ACOT12: variants seen among roughly 807,000 people sequenced by gnomAD.
ACOT12 encodes the protein acyl-CoA thioesterase 12, also known as acetyl-coenzyme A thioesterase.
In ACOT12, 51 loss-of-function variants were observed where a neutral mutation model predicts 67.7. The observed-to-expected ratio is 0.75, with a 90% CI of 0.60 to 0.95. The LOEUF is 0.95. Among genes scored for constraint, ACOT12 ranks in the 40% least tolerant of loss-of-function variants. The pLI, the probability that ACOT12 is intolerant of heterozygous loss-of-function variation, is 0.00. For missense variants in ACOT12, 734 were observed against 708.1 expected (o/e 1.04, Z -0.41); for synonymous variants, 251 against 244.6 (o/e 1.03, Z -0.24).
At chr5:81,312,464 T>G in the ACOT12 span, 1 of 1,153,234 alleles carries the variant, frequency 8.7e-7, no homozygotes, top group East Asian at 2.4e-5. Flanking sequence ...AATGAGTTCC[T>G]TTCCCAAACC....
At chr5:81,366,966 G>GA (rs1760099964) in intron 3 of ACOT12, among the ~76,000 whole-genome samples, 1 of 151,988 alleles carries the variant, frequency 6.6e-6, no homozygotes, top group Non-Finnish European at 1.5e-5. Context: ...CAAAAGACAG[G>GA]AAAAAAGTTT....
Position 81,381,204 on chromosome 5 carries a change from T to A in ACOT12, c.197+4553A>T, listed in dbSNP as rs572673461. 7.9e-5 allele frequency among the ~76,000 whole-genome samples: 12 copies of A among 152,198 alleles called. No homozygotes were observed. In the East Asian group the frequency reaches 2.3e-3, roughly 29 times the overall value. On this transcript the variant is annotated intron_variant, in intron 2 of 14. Coordinates refer to ENST00000307624, the MANE Select transcript of ACOT12 (RefSeq NM_130767.3). ...GCCTCAGCTTCCCGAATAGCTGGGA[T>A]TACAGGCGCGTGCCACCACACCCAG...
intron 2 of ACOT12, among the ~76,000 whole-genome samples, chr5:81,384,094 G>A (rs1010588356): frequency 6.7e-6 from 1 of 148,746 alleles, no homozygotes; most frequent in Non-Finnish European, 1.5e-5. Context: ...TCCATTCATG[G>A]TTAAGTGCCC....
At chr5:81,315,499 C>A in the ACOT12 span, among the ~76,000 whole-genome samples, 1 of 152,202 alleles carries the variant, frequency 6.6e-6, no homozygotes, top group Non-Finnish European at 1.5e-5. Context: ...AATTTTGATT[C>A]TTGTTCATTG....
rs377220909 is a variant in ACOT12 at position 81,330,972 on chromosome 5, G to A, written c.1392-32C>T. On this transcript the variant is annotated intron_variant, in intron 13 of 14. Transcript: ENST00000307624. ...GAAAACACTTTCTAAGCTCTTGTGA[G>A]AAATAAAGAATAGTTGTTAGAAAAT... 3.2e-6 allele frequency: 5 copies of A among 1,550,566 alleles called. No individual in the cohort carries two copies. The African/African-American group carries it at 5.5e-5, about 17-fold the overall frequency.
At chr5:81,391,088 A>G (rs1760852390) in intron 1 of ACOT12, among the ~76,000 whole-genome samples, 2 of 152,204 alleles carry the variant, frequency 1.3e-5, no homozygotes, top group African/African-American at 4.8e-5. Flanking sequence ...CTACCTAGAG[A>G]TGGGCACAAC....
intron 2 of ACOT12, among the ~76,000 whole-genome samples, chr5:81,384,768 T>G (rs1308759102): frequency 6.6e-6 from 1 of 152,050 alleles, no homozygotes; most frequent in Non-Finnish European, 1.5e-5. Context: ...ATGCTTGGGG[T>G]TTTCCTCAAA....
At chr5:81,393,705 A>G (rs554780981) in intron 1 of ACOT12, among the ~76,000 whole-genome samples, 3 of 149,196 alleles carry the variant, frequency 2.0e-5, no homozygotes, top group Non-Finnish European at 2.9e-5. Flanking sequence ...AGAGAGCTCA[A>G]CAACAACAAC....
chr5:81,339,414 C>T (rs978696025), intron 11 of ACOT12, among the ~76,000 whole-genome samples: 5 of 152,214 alleles, frequency 3.3e-5, no homozygotes, highest in Admixed American at 1.3e-4. Context: ...TTTCCCAGTA[C>T]ATCCCCAGGT....
chr5:81,345,003 T>C lies in ACOT12; in HGVS notation c.812A>G (p.Gln271Arg). ...VGVRVEAFDC[Q>R]EWAEGRGRHI... ...ACGCCCTCGGCCCTCGGCCCATTCCTGACAGTCAAAGGCCTCCACGCGAAC... is the reference window on the plus strand; with the variant it reads ...ACGCCCTCGGCCCTCGGCCCATTCCCGACAGTCAAAGGCCTCCACGCGAAC... The change falls in exon 8 of 15, where the codon CAG becomes CGG. Residue 271 changes from glutamine (Q) to arginine (R), a missense_variant. Transcript: ENST00000307624. 2 of 1,614,050 alleles carry C rather than the reference T, an allele frequency of 1.2e-6. No homozygotes were observed. The highest frequency in any genetic ancestry group is 1.7e-6 in the Non-Finnish European group (2 of 1,180,006).
chr5:81,326,773 T>C (rs946161450), downstream of ACOT12, among the ~76,000 whole-genome samples: 3 of 152,300 alleles, frequency 2.0e-5, no homozygotes, highest in African/African-American at 7.2e-5. Context: ...ACCTATTTAG[T>C]TGTCTATGGG....
intron 4 of ACOT12, among the ~76,000 whole-genome samples, chr5:81,362,827 T>G (rs1293344748): frequency 6.6e-6 from 1 of 152,168 alleles, no homozygotes; most frequent in Non-Finnish European, 1.5e-5. Context: ...AACTGCATTT[T>G]AAAAAATAGA....
intron 1 of ACOT12, among the ~76,000 whole-genome samples, chr5:81,390,239 G>A (rs573603598): frequency 6.6e-6 from 1 of 151,376 alleles, no homozygotes; most frequent in East Asian, 1.9e-4. Flanking sequence ...TAGGATTATA[G>A]GCATGAGCCA....
At chr5:81,318,184 A>G in the ACOT12 span, among the ~76,000 whole-genome samples, 10 of 152,266 alleles carry the variant, frequency 6.6e-5, no homozygotes, top group East Asian at 1.7e-3. Context: ...TGCCTGGCCC[A>G]TAATTCAATT....
At position 81,330,896 on chromosome 5, in the gene ACOT12, A is replaced by T. The variant is rs756612770; in HGVS notation, c.1436T>A (p.Val479Asp). 12 of 1,612,512 alleles carry T rather than the reference A, an allele frequency of 7.4e-6. No homozygotes were observed. The African/African-American group carries it at 8.0e-5, about 11-fold the overall frequency. Residue 479 changes from valine (V) to aspartate (D), a missense_variant, in exon 14 of 15, where the codon GTC becomes GAC. Val to Asp is a radical substitution (Grantham distance 152, BLOSUM62 -3). Coordinates refer to ENST00000307624, the MANE Select transcript of ACOT12 (RefSeq NM_130767.3). ...VAVKSVILPS[V>D]PPSPQYIRSE... ...TCTGATGTACTGTGGAGACGGGGGGACCGATGGCAAAATGACCGACTTCAC... is the reference window on the plus strand; with the variant it reads ...TCTGATGTACTGTGGAGACGGGGGGTCCGATGGCAAAATGACCGACTTCAC...
In ACOT12 at chr5:81,330,286, G is replaced by T; in HGVS notation, c.*108C>A. 1 of 1,294,304 alleles carries T rather than the reference G, an allele frequency of 7.7e-7. No individual in the cohort carries two copies. The highest frequency in any genetic ancestry group is 2.4e-5 in the East Asian group (1 of 41,622). 80.2% of individuals were successfully genotyped at this position (1,294,304 alleles called of 1,614,324 possible). On this transcript the variant is annotated 3_prime_UTR_variant, in exon 15 of 15. Coordinates refer to ENST00000307624, the MANE Select transcript of ACOT12 (RefSeq NM_130767.3). ...TAACTCCGTCACTGCATTTTGCTTAGGGTTATATTAAATTATTTTGTGGCC... is the reference window on the plus strand; with the variant it reads ...TAACTCCGTCACTGCATTTTGCTTATGGTTATATTAAATTATTTTGTGGCC...
chr5:81,349,118 G>T (rs1361600512), intron 5 of ACOT12, among the ~76,000 whole-genome samples: 3 of 152,190 alleles, frequency 2.0e-5, no homozygotes, highest in Non-Finnish European at 4.4e-5. Flanking sequence ...GTGTGAGAGG[G>T]AAGATATGCC....
chr5:81,385,955 G>A (rs971320844), intron 1 of ACOT12, 129 bp from the exon 2 acceptor site: 1 of 766,798 alleles, frequency 1.3e-6, no homozygotes, highest in African/African-American at 1.7e-5. Flanking sequence ...GCACCACTGT[G>A]CCTACACTTT....
chr5:81,330,852 C>T lies in ACOT12; in HGVS notation c.1480G>A (p.Gly494Arg), dbSNP rs143379740. 77 of 1,613,744 alleles carry T rather than the reference C, an allele frequency of 4.8e-5. No individual in the cohort carries two copies. The highest frequency in any genetic ancestry group is 1.0e-4 in the Admixed American group (6 of 59,938). Residue 494 changes from glycine (G) to arginine (R), a missense_variant, in exon 14 of 15, where the codon GGA (glycine) becomes AGA (arginine). Gly to Arg is a moderately radical substitution (Grantham distance 125). Transcript: ENST00000307624. ...CTGTCAATAGCATGGATGAGAAATC[C>T]GGCACATATGATTTCACTTCTGATG... ...QYIRSEIICA[G>R]FLIHAIDSNS...
Sources: gnomAD v4.1 joint callset for allele counts (sites outside exome capture counted in the v4.1 genomes callset) on GRCh38, gnomAD v4.1.1 for gene constraint, MANE v1.5 for transcripts, NCBI Gene and HGNC (gene_info 2026-07-23, HGNC 2026-07-21) for gene names.